DNAH5: variants seen among roughly 807,000 people sequenced by gnomAD.
DNAH5 encodes dynein axonemal heavy chain 5.
In DNAH5, 372 loss-of-function variants were observed where a neutral mutation model predicts 518.2. The observed-to-expected ratio is 0.72, with a 90% CI of 0.66 to 0.78. The LOEUF is 0.78. DNAH5 is among the 30% of genes least tolerant of loss of function. The probability of loss-of-function intolerance (pLI) is 0.00; values close to 1 mark genes in which losing one functional copy is unlikely to be tolerated. For missense variants in DNAH5, 5,523 were observed against 5,687.0 expected (o/e 0.97, Z 0.93); for synonymous variants, 2,039 against 2,025.9 (o/e 1.01, Z -0.17).
chr5:13,776,320 C>G, intron 55 of DNAH5, 119 bp downstream of exon 55: 1 of 1,355,354 alleles, frequency 7.4e-7, no homozygotes, highest in Non-Finnish European at 1.1e-6. Flanking sequence ...TCTGTGCCTT[C>G]CCATGACATC....
chr5:13,904,612 ATAAT>A (rs1216184942), intron 12 of DNAH5, among the ~76,000 whole-genome samples: 1 of 151,998 alleles, frequency 6.6e-6, no homozygotes, highest in East Asian at 1.9e-4. Context: ...TTAAAATATA[ATAAT>A]TAAGAAATAG....
At chr5:13,883,790 G>A (rs546132932) in intron 19 of DNAH5, among the ~76,000 whole-genome samples, 2 of 151,966 alleles carry the variant, frequency 1.3e-5, no homozygotes, top group Admixed American at 1.3e-4. Flanking sequence ...TAATAATAAC[G>A]CTGTGCCAAA....
intron 1 of DNAH5, among the ~76,000 whole-genome samples, chr5:13,986,508 C>T (rs1783064368): frequency 6.6e-6 from 1 of 152,142 alleles, no homozygotes. Context: ...AAATGTGAAG[C>T]TCAAACACTA....
In DNAH5 at chr5:13,700,738, C is replaced by G. The variant is rs1235308872; in HGVS notation, c.13625G>C (p.Gly4542Ala). Residue 4542 changes from glycine to alanine, a missense_variant, in exon 78 of 79, where the codon GGT becomes GCT. This residue lies in a region of DNAH5 where 387 missense variants were observed against 430.0 expected (regional missense o/e 0.90). Transcript: ENST00000265104. The part of the protein sequence containing the change: ...GVYVYGLYLE[G>A]AGWDKRNMKL... ...CATGTTCCTCTTGTCCCAGCCAGCA[C>G]CTTCAAGATATAAGCCATAGACATA... 1 of 1,614,030 alleles carries G rather than the reference C, an allele frequency of 6.2e-7. No homozygotes were observed. Among genetic ancestry groups the G allele is most frequent in the African/African-American group, 1.3e-5 (1 of 74,932 alleles).
At chr5:13,895,493 C>T (rs559631615) in intron 15 of DNAH5, among the ~76,000 whole-genome samples, 8 of 152,304 alleles carry the variant, frequency 5.3e-5, no homozygotes, top group East Asian at 1.9e-4. Flanking sequence ...TACACTGATA[C>T]GACATGCGTG....
rs1338759362 is a variant in DNAH5 at position 13,714,586 on chromosome 5, C to T, written c.12944G>A (p.Gly4315Glu). 8 of 1,613,954 alleles carry T rather than the reference C, an allele frequency of 5.0e-6. No homozygotes were observed. The highest frequency in any genetic ancestry group is 4.0e-5 in the African/African-American group (3 of 74,894). Residue 4315 changes from glycine to glutamate, a missense_variant, in exon 75 of 79, where the codon GGG (glycine) becomes GAG (glutamate). Physicochemically the swap from Gly to Glu is moderately conservative, Grantham distance 98. Transcript: ENST00000265104. ...GGTGATGTCAGCATTGGGGTGCAGC[C>T]CAAACACCTCAGGGCTGTCATAGGC... ...LPAYDSPEVF[G>E]LHPNADITYQ...
intron 29 of DNAH5, among the ~76,000 whole-genome samples, chr5:13,861,003 T>C (rs936110575): frequency 6.6e-5 from 10 of 152,190 alleles, no homozygotes; most frequent in Non-Finnish European, 1.5e-5. Flanking sequence ...GAAACAGAGA[T>C]CTTTCCCTTA....
intron 66 of DNAH5, among the ~76,000 whole-genome samples, chr5:13,736,766 G>A (rs1156556951): frequency 6.6e-6 from 1 of 152,108 alleles, no homozygotes; most frequent in Admixed American, 6.6e-5. Flanking sequence ...CTAAAAGATA[G>A]CCGATCCAAC....
chr5:13,721,139 C>G lies in DNAH5; in HGVS notation c.12140G>C (p.Cys4047Ser). ...GGGGTCTGAGCCCATAGACAGGAGA[C>G]AGATGAGTGGCGTCCGTGGATCAGA... is the stretch of plus-strand genomic sequence containing the variant. Reference protein sequence around the residue: ...EESDPRTPLICLLSMGSDPTD... With the variant: ...EESDPRTPLISLLSMGSDPTD... Residue 4047 changes from cysteine (C) to serine (S), a missense_variant, in exon 71 of 79, where the codon TGT becomes TCT. Transcript: ENST00000265104. 1 of 1,614,130 alleles carries G rather than the reference C, an allele frequency of 6.2e-7. No homozygotes were observed. Among genetic ancestry groups the G allele is most frequent in the Non-Finnish European group, 8.5e-7 (1 of 1,179,990 alleles).
At chr5:13,993,748 G>GC (rs988538510) in intron 1 of DNAH5, among the ~76,000 whole-genome samples, 4 of 152,184 alleles carry the variant, frequency 2.6e-5, no homozygotes, top group African/African-American at 9.7e-5. Context: ...GTACAGACGT[G>GC]CCCCACGCAA....
chr5:13,766,247 CCAAA>C, intron 58 of DNAH5, 68 bp from the exon 59 acceptor site: 2 of 1,529,520 alleles, frequency 1.3e-6, no homozygotes, highest in Non-Finnish European at 1.8e-6. Context: ...CCTTGCATGT[CCAAA>C]TGCTGCTATT....
Position 13,844,820 on chromosome 5 carries a change from A to G in DNAH5, c.5271+17T>C. 2 of 1,614,186 alleles carry G rather than the reference A, an allele frequency of 1.2e-6. No individual in the cohort carries two copies. The highest frequency in any genetic ancestry group is 2.2e-5 in the East Asian group (1 of 44,892). On this transcript the variant is annotated intron_variant, in intron 32 of 78. Coordinates refer to ENST00000265104, the MANE Select transcript of DNAH5 (RefSeq NM_001369.3). The stretch of plus-strand genomic sequence containing the variant: ...AAGGTACGGTGATTGTTGGCCTGCC[A>G]TTAGAATTAGGCGAACCTTTTCGTG...
rs766746657 is a variant in DNAH5, at chr5:13,914,535, C to T, written c.1305G>A (p.Ala435=). 1.2e-5 allele frequency: 19 copies of T among 1,612,960 alleles called. No individual in the cohort carries two copies. The highest frequency in any genetic ancestry group is 1.7e-4 in the Middle Eastern group (1 of 6,004). ...TGACCATTACCTGTTTCAGTTTAAT[C>T]GCAGATAGTATTTTTTCTTCAACAA... The part of the protein sequence containing the change: ...QDVVEEKILS[A]IKLKQEYQLC... The change falls in exon 10 of 79, where the codon GCG becomes GCA. Residue 435 remains alanine (A), a synonymous_variant. Transcript: ENST00000265104.
At chr5:13,920,724 C>A in intron 5 of DNAH5, 107 bp from the exon 6 acceptor site, 1 of 1,272,230 alleles carries the variant, frequency 7.9e-7, no homozygotes, top group Non-Finnish European at 1.1e-6. Flanking sequence ...TCTGGAAAGC[C>A]CACCAGGTAG....
Position 13,817,778 on chromosome 5 carries a change from C to G in DNAH5, c.6842-84G>C. The G allele has an allele frequency of 2.3e-6, 3 of 1,325,308 alleles. No homozygotes were observed. In the African/African-American group the frequency reaches 4.3e-5, roughly 19 times the overall value. 82.1% of individuals were successfully genotyped at this position (1,325,308 alleles called of 1,614,324 possible). On this transcript the variant is annotated intron_variant, in intron 41 of 78. Transcript: ENST00000265104. ...CAACATTGCACTAATTTGTGGTGTA[C>G]TGTCAGCAGGTGCTCAAAATATGAA...
intron 46 of DNAH5, 124 bp downstream of exon 46, chr5:13,808,920 A>G: frequency 8.4e-7 from 1 of 1,185,578 alleles, no homozygotes; most frequent in South Asian, 1.3e-5. Flanking sequence ...AGATCGCGCC[A>G]CTGCACTCCA....
intron 4 of DNAH5, 113 bp downstream of exon 4, chr5:13,923,167 A>G: frequency 7.4e-7 from 1 of 1,345,454 alleles, no homozygotes; most frequent in Non-Finnish European, 1.1e-6. Context: ...CTTCTCTGAA[A>G]GTAGTTTTAG....
chr5:13,747,714 G>T (rs1355562953), intron 65 of DNAH5, among the ~76,000 whole-genome samples: 1 of 152,094 alleles, frequency 6.6e-6, no homozygotes, highest in African/African-American at 2.4e-5. Context: ...CATATCCTTC[G>T]CCCGCTTGTT....
intron 1 of DNAH5, among the ~76,000 whole-genome samples, chr5:13,980,965 C>A (rs761678072): frequency 1.3e-5 from 2 of 152,226 alleles, no homozygotes; most frequent in African/African-American, 4.8e-5. Context: ...CTCTCAAGTC[C>A]TTCAGGTCCC....
Sources: gnomAD v4.1 joint callset for allele counts (sites outside exome capture counted in the v4.1 genomes callset) on GRCh38, gnomAD v4.1.1 for gene constraint, gnomAD v4.1.1 regional missense constraint, MANE v1.5 for transcripts, NCBI Gene and HGNC (gene_info 2026-07-23, HGNC 2026-07-21) for gene names.